DENND5A: variants seen among roughly 807,000 people sequenced by gnomAD.
DENND5A encodes the protein DENN domain containing 5A, also known as DENN domain-containing protein 5A.
Under a neutral mutation model 140.3 loss-of-function variants are expected in DENND5A, and 64 were observed. The ratio of observed to expected loss-of-function variants is 0.46; its 90% CI spans 0.37 to 0.56. The LOEUF (loss-of-function observed/expected upper bound fraction) is 0.56, where lower values mean the gene tolerates loss of function less well. DENND5A is among the 20% of genes least tolerant of loss of function. The pLI is 0.00. For missense variants in DENND5A, 1,292 were observed against 1,593.8 expected (o/e 0.81, Z 3.22); for synonymous variants, 605 against 607.7 (o/e 1.00, Z 0.07).
Position 9,169,913 on chromosome 11 carries a change from C to T in DENND5A, c.2094G>A (p.Arg698=), listed in dbSNP as rs1437274120. ...TKRNAPAQWR[R]KDRQKQHTEH... is the part of the protein sequence containing the mutation. ...CTGTGTGCTGCTTCTGCCGATCTTT[C>T]CGCCTCCACTGGGCAGGGGCATTCC... Residue 698 remains arginine (R), a synonymous_variant, in exon 10 of 23, where the codon CGG becomes CGA. Coordinates refer to ENST00000328194, the MANE Select transcript of DENND5A (RefSeq NM_015213.4). 6.2e-7 allele frequency: 1 copy of T among 1,613,922 alleles called. No homozygotes were observed. Among genetic ancestry groups the T allele is most frequent in the East Asian group, 2.2e-5 (1 of 44,884 alleles).
chr11:9,218,510 A>C (rs1388030750), intron 1 of DENND5A, among the ~76,000 whole-genome samples: 1 of 152,000 alleles, frequency 6.6e-6, no homozygotes, highest in Non-Finnish European at 1.5e-5. Context: ...TGGATCACTT[A>C]AGCCCAGGAG....
At chr11:9,159,060 G>C (rs1847896603) in intron 12 of DENND5A, among the ~76,000 whole-genome samples, 1 of 152,080 alleles carries the variant, frequency 6.6e-6, no homozygotes, top group African/African-American at 2.4e-5. Flanking sequence ...TCTGTCTGTG[G>C]ATTTGCCTAT....
At chr11:9,143,848 A>AAG (rs1289037987) in intron 19 of DENND5A, among the ~76,000 whole-genome samples, 3 of 152,228 alleles carry the variant, frequency 2.0e-5, no homozygotes, top group African/African-American at 4.8e-5. Flanking sequence ...TCATGCATGA[A>AAG]TATATACAGC....
intron 1 of DENND5A, among the ~76,000 whole-genome samples, chr11:9,237,975 C>T (rs992775346): frequency 5.3e-5 from 8 of 152,198 alleles, no homozygotes; most frequent in Non-Finnish European, 1.5e-5. Context: ...AATAAGTGTA[C>T]ATGGATATTT....
chr11:9,220,650 T>C (rs1850273368), intron 1 of DENND5A, among the ~76,000 whole-genome samples: 1 of 151,980 alleles, frequency 6.6e-6, no homozygotes, highest in Admixed American at 6.6e-5. Context: ...CCCAGCACTT[T>C]GGGAGGCTGA....
Position 9,142,055 on chromosome 11 carries a change from C to T in DENND5A, c.3565G>A (p.Glu1189Lys), listed in dbSNP as rs144559876. The part of the protein sequence containing the change: ...TLEKNEVVPE[E>K]NWHTRARNFC... ...TTCCGGGCTCTTGTATGCCAGTTTT[C>T]CTCAGGGACTACTTCATTCTTCTCT... Residue 1189 changes from glutamate (E) to lysine (K), a missense_variant, in exon 22 of 23, where the codon GAA becomes AAA. This residue lies in a region of DENND5A where 498 missense variants were observed against 689.7 expected (regional missense o/e 0.72). Transcript: ENST00000328194. 46 of 1,605,108 alleles carry T rather than the reference C, an allele frequency of 2.9e-5. 1 individual carries two copies. Among genetic ancestry groups the T allele is most frequent in the Admixed American group, 3.4e-5 (2 of 58,694 alleles).
At chr11:9,160,370 A>T (rs1443742076) in intron 12 of DENND5A, among the ~76,000 whole-genome samples, 2 of 152,200 alleles carry the variant, frequency 1.3e-5, no homozygotes, top group Non-Finnish European at 2.9e-5. Flanking sequence ...AAGAACCTTT[A>T]GTGTATGACT....
At chr11:9,195,029 T>C (rs1369838814) in intron 4 of DENND5A, among the ~76,000 whole-genome samples, 2 of 150,882 alleles carry the variant, frequency 1.3e-5, no homozygotes, top group Non-Finnish European at 3.0e-5. Flanking sequence ...CCTTTTTTTT[T>C]TTTTTTTAAT....
intron 1 of DENND5A, among the ~76,000 whole-genome samples, chr11:9,243,629 T>TG (rs1851337245): frequency 6.6e-6 from 1 of 152,206 alleles, no homozygotes; most frequent in African/African-American, 2.4e-5. Flanking sequence ...GGCTCACACC[T>TG]GCAATCCCAG....
chr11:9,205,590 G>T (rs1277110637), intron 3 of DENND5A, among the ~76,000 whole-genome samples: 2 of 152,074 alleles, frequency 1.3e-5, no homozygotes, highest in East Asian at 3.9e-4. Flanking sequence ...ACTACAGAAT[G>T]CTATTAAAAA....
chr11:9,198,309 TAAA>T (rs762423564), intron 4 of DENND5A, among the ~76,000 whole-genome samples: 1 of 138,938 alleles, frequency 7.2e-6, no homozygotes, highest in Non-Finnish European at 1.6e-5. Context: ...CACTCCACTT[TAAA>T]AAAAAAAAAA....
At chr11:9,178,613 C>A (rs1487450588) in intron 7 of DENND5A, among the ~76,000 whole-genome samples, 3 of 152,066 alleles carry the variant, frequency 2.0e-5, no homozygotes, top group African/African-American at 4.8e-5. Flanking sequence ...TCCTGATGTT[C>A]ACTCTACATG....
chr11:9,152,770 G>A lies in DENND5A; in HGVS notation c.2437-328C>T, dbSNP rs189064373. On this transcript the variant is annotated intron_variant, in intron 12 of 22. Coordinates refer to ENST00000328194, the MANE Select transcript of DENND5A (RefSeq NM_015213.4). ...TGTAATCCCAACACTTCAGGAAGCC[G>A]AGGCGGGCAGATCACTTGAGGTCAG... is the stretch of plus-strand genomic sequence containing the variant. 3.9e-4 allele frequency among the ~76,000 whole-genome samples: 60 copies of A among 152,030 alleles called. 2 individuals are homozygous for A. Among genetic ancestry groups the A allele is most frequent in the East Asian group, 9.7e-4 (5 of 5,152 alleles).
rs140535278 is a variant in DENND5A at position 9,141,972 on chromosome 11, G to C, written c.3648C>G (p.Gly1216=). The stretch of plus-strand genomic sequence containing the variant: ...CCAAGCACACCAGCATCTGAAACTT[G>C]CCATCCTTGCCGATGTTCCGGGGAG... ...NNTPRNIGKD[G]KFQMLVCLGA... The change falls in exon 22 of 23, where the codon GGC becomes GGG. Residue 1216 remains glycine (G), a synonymous_variant. Coordinates refer to ENST00000328194, the MANE Select transcript of DENND5A (RefSeq NM_015213.4). 5.3e-5 allele frequency: 85 copies of C among 1,601,572 alleles called. No homozygotes were observed. The highest frequency in any genetic ancestry group is 4.2e-4 in the Middle Eastern group (2 of 4,794).
At chr11:9,149,537 G>C (rs1847542237) in intron 15 of DENND5A, among the ~76,000 whole-genome samples, 1 of 152,164 alleles carries the variant, frequency 6.6e-6, no homozygotes, top group African/African-American at 2.4e-5. Context: ...CACGTTTCTG[G>C]GGAGTCCAGG....
chr11:9,250,856 G>A (rs1042470436), intron 1 of DENND5A, among the ~76,000 whole-genome samples: 4 of 152,124 alleles, frequency 2.6e-5, no homozygotes, highest in South Asian at 2.1e-4. Context: ...ACTTCCGGCC[G>A]GGTGCGGTGG....
At chr11:9,243,937 C>T (rs1341232230) in intron 1 of DENND5A, among the ~76,000 whole-genome samples, 1 of 152,128 alleles carries the variant, frequency 6.6e-6, no homozygotes, top group Non-Finnish European at 1.5e-5. Flanking sequence ...TTTTCTCTAG[C>T]TTACTTTATT....
chr11:9,155,798 T>C (rs919763388), intron 12 of DENND5A, among the ~76,000 whole-genome samples: 1 of 152,242 alleles, frequency 6.6e-6, no homozygotes, highest in Admixed American at 6.5e-5. Flanking sequence ...GAAGCCCATC[T>C]CCTTGGAAGA....
chr11:9,154,593 T>C (rs1847742282), intron 12 of DENND5A, among the ~76,000 whole-genome samples: 1 of 152,054 alleles, frequency 6.6e-6, no homozygotes, highest in Non-Finnish European at 1.5e-5. Flanking sequence ...GCTGTCAAAA[T>C]AAGCTTGCTG....
Sources: gnomAD v4.1 joint callset for allele counts (sites outside exome capture counted in the v4.1 genomes callset) on GRCh38, gnomAD v4.1.1 for gene constraint, gnomAD v4.1.1 regional missense constraint, MANE v1.5 for transcripts, NCBI Gene and HGNC (gene_info 2026-07-23, HGNC 2026-07-21) for gene names.